Variants in LRRC7 observed in about 807,000 individuals in gnomAD.
LRRC7 encodes the protein leucine-rich repeat-containing protein 7.
In LRRC7, 23 loss-of-function variants were observed where a neutral mutation model predicts 175.7. That is an observed-to-expected ratio of 0.13 (90% confidence interval 0.09 to 0.19). The LOEUF is 0.19. Ranked by LOEUF, LRRC7 falls within the 10% of genes least tolerant of loss-of-function variation. The probability of loss-of-function intolerance (pLI) is 1.00; values close to 1 mark genes in which losing one functional copy is unlikely to be tolerated. For missense variants in LRRC7, 1,354 were observed against 1,904.7 expected, an observed-to-expected ratio of 0.71 and a Z score of 5.38; for synonymous variants, 685 against 680.9, an observed-to-expected ratio of 1.01 and a Z score of -0.09.
intron 7 of LRRC7, among the ~76,000 whole-genome samples, chr1:69,886,746 C>T (rs1378818055): frequency 9.9e-5 from 15 of 150,904 alleles, no homozygotes; most frequent in African/African-American, 1.7e-4. Context: ...GATTTTGCAG[C>T]GACTGGTACT....
chr1:69,961,130 A>C (rs1051373428), intron 8 of LRRC7, among the ~76,000 whole-genome samples: 2 of 152,214 alleles, frequency 1.3e-5, no homozygotes, highest in African/African-American at 4.8e-5. Flanking sequence ...CAACTTCAGC[A>C]AAGTCTCAGG....
At chr1:69,947,644 C>A (rs1293687313) in intron 8 of LRRC7, among the ~76,000 whole-genome samples, 2 of 151,748 alleles carry the variant, frequency 1.3e-5, no homozygotes, top group Admixed American at 6.6e-5. Context: ...TATACTGTTG[C>A]CTTTTCATTT....
chr1:69,785,658 T>C (rs937675390), intron 3 of LRRC7, among the ~76,000 whole-genome samples: 1 of 152,178 alleles, frequency 6.6e-6, no homozygotes, highest in Non-Finnish European at 1.5e-5. Context: ...ACTTTATTTC[T>C]ATTTTTTAAT....
At chr1:69,892,623 C>T (rs1297687156) in intron 7 of LRRC7, among the ~76,000 whole-genome samples, 3 of 152,070 alleles carry the variant, frequency 2.0e-5, no homozygotes, top group Non-Finnish European at 2.9e-5. Flanking sequence ...TAAGTTGTCC[C>T]TTATTCCATA....
At chr1:69,840,862 A>C (rs977161385) in intron 7 of LRRC7, among the ~76,000 whole-genome samples, 3 of 152,098 alleles carry the variant, frequency 2.0e-5, no homozygotes, top group African/African-American at 7.2e-5. Flanking sequence ...AGATTATGTG[A>C]TACAGTTTTT....
chr1:69,988,431 G>C (rs1654133651), intron 10 of LRRC7, among the ~76,000 whole-genome samples: 1 of 152,046 alleles, frequency 6.6e-6, no homozygotes, highest in Non-Finnish European at 1.5e-5. Context: ...TTTTTAAAAA[G>C]AAAAATGATG....
At chr1:69,587,781 T>C (rs1251783786) in intron 1 of LRRC7, among the ~76,000 whole-genome samples, 1 of 152,132 alleles carries the variant, frequency 6.6e-6, no homozygotes, top group Non-Finnish European at 1.5e-5. Flanking sequence ...TTATTATCTC[T>C]CTCTCCTGCT....
At chr1:69,827,423 A>G (rs769847521) in intron 5 of LRRC7, among the ~76,000 whole-genome samples, 3 of 152,184 alleles carry the variant, frequency 2.0e-5, no homozygotes, top group Non-Finnish European at 4.4e-5. Flanking sequence ...AATAAATATG[A>G]CCTATTTCAG....
chr1:69,688,244 AT>A (rs1434257237), intron 2 of LRRC7, among the ~76,000 whole-genome samples: 1 of 152,194 alleles, frequency 6.6e-6, no homozygotes, highest in Non-Finnish European at 1.5e-5. Flanking sequence ...AGTAGGGTTC[AT>A]TTGTTTAGTA....
chr1:69,976,049 C>G (rs1048349575), intron 8 of LRRC7, among the ~76,000 whole-genome samples: 1 of 152,016 alleles, frequency 6.6e-6, no homozygotes, highest in Non-Finnish European at 1.5e-5. Context: ...AATATTCTAC[C>G]TGTATTGTGT....
rs1667088498 is a variant in LRRC7 at position 70,142,209 on chromosome 1, G to A, written c.*20322G>A. 1 of 152,070 alleles carries A rather than the reference G, an allele frequency of 6.6e-6. No individual in the cohort carries two copies. The highest frequency in any genetic ancestry group is 1.5e-5 in the Non-Finnish European group (1 of 67,962). 9.4% of individuals were successfully genotyped at this position (152,070 alleles called of 1,614,324 possible). A position where few individuals can be genotyped will look rare whatever the true frequency, so the allele number is the denominator to read the frequency against. ...TCAATACTTGTAGTCTTTCCACTCAGAGGACTCTTATTTGGCTTGAATGTG... is the reference window on the plus strand; with the variant it reads ...TCAATACTTGTAGTCTTTCCACTCAAAGGACTCTTATTTGGCTTGAATGTG... On this transcript the variant is annotated 3_prime_UTR_variant, in exon 27 of 27. Coordinates refer to ENST00000651989, the MANE Select transcript of LRRC7 (RefSeq NM_001370785.2).
chr1:70,135,434 A>G lies in LRRC7; in HGVS notation c.*13547A>G, dbSNP rs1311119072. Among the ~76,000 whole-genome samples, 2 of 152,186 alleles carry G rather than the reference A, an allele frequency of 1.3e-5. No individual in the cohort carries two copies. Among genetic ancestry groups the G allele is most frequent in the Non-Finnish European group, 2.9e-5 (2 of 68,032 alleles). On this transcript the variant is annotated 3_prime_UTR_variant, in exon 27 of 27. Coordinates refer to ENST00000651989, the MANE Select transcript of LRRC7 (RefSeq NM_001370785.2). ...AAAGCTCTGCTTTTAGGTACAACAA[A>G]TGGAAATATCATCTAGGCTGGGTTG...
intron 1 of LRRC7, among the ~76,000 whole-genome samples, chr1:69,579,887 G>A (rs951562120): frequency 1.4e-5 from 2 of 145,960 alleles, no homozygotes; most frequent in African/African-American, 2.6e-5. Flanking sequence ...TCCTGCCTTC[G>A]CCTCCCAAAG....
rs190405253 is a variant in LRRC7, at chr1:69,732,305, G to A, written c.101-27886G>A. On this transcript the variant is annotated intron_variant, in intron 2 of 26. Coordinates refer to ENST00000651989, the MANE Select transcript of LRRC7 (RefSeq NM_001370785.2). Reference sequence around the variant, plus strand: ...GGTTGTTTAGAATTTTTTAAAGTTCGATAGATTTACACAATCTAATGAAAA... The same window carrying A: ...GGTTGTTTAGAATTTTTTAAAGTTCAATAGATTTACACAATCTAATGAAAA... Among the ~76,000 whole-genome samples the A allele has an allele frequency of 2.1e-3, 324 of 151,762 alleles. 2 individuals carry two copies. Among genetic ancestry groups the A allele is most frequent in the African/African-American group, 7.3e-3 (301 of 41,416 alleles).
intron 2 of LRRC7, among the ~76,000 whole-genome samples, chr1:69,713,463 C>T (rs1570464548): frequency 1.3e-5 from 2 of 152,018 alleles, no homozygotes; most frequent in African/African-American, 4.8e-5. Flanking sequence ...GCCACTGCAC[C>T]CCAGCCTGGA....
At chr1:69,734,682 T>C (rs1667924338) in intron 2 of LRRC7, among the ~76,000 whole-genome samples, 1 of 151,952 alleles carries the variant, frequency 6.6e-6, no homozygotes, top group African/African-American at 2.4e-5. Flanking sequence ...ATGGGTAGAA[T>C]TATTCTTTAA....
chr1:69,929,853 T>C (rs1352238833), intron 7 of LRRC7, among the ~76,000 whole-genome samples: 1 of 152,220 alleles, frequency 6.6e-6, no homozygotes, highest in Non-Finnish European at 1.5e-5. Context: ...TCGCATATTA[T>C]GCAACTCCCC....
chr1:69,782,991 A>C (rs150163810), intron 3 of LRRC7, among the ~76,000 whole-genome samples: 1 of 152,216 alleles, frequency 6.6e-6, no homozygotes, highest in African/African-American at 2.4e-5. Flanking sequence ...AACACTTCCT[A>C]CAGGATAAAG....
intron 2 of LRRC7, among the ~76,000 whole-genome samples, chr1:69,739,525 A>G (rs1668480726): frequency 6.6e-6 from 1 of 152,094 alleles, no homozygotes; most frequent in South Asian, 2.1e-4. Context: ...AATGAATACA[A>G]CATCAAAGAG....
Sources: allele counts gnomAD v4.1 joint callset (sites outside exome capture counted in the v4.1 genomes callset), GRCh38; gene constraint gnomAD v4.1.1; transcripts MANE v1.5; gene names NCBI Gene and HGNC (gene_info 2026-07-23, HGNC 2026-07-21).